Variants in OR14A2 observed in about 807,000 individuals in gnomAD.
OR14A2 encodes the protein olfactory receptor 14A2.
For missense variants in OR14A2, 237 were observed against 152.9 expected, an observed-to-expected ratio of 1.55 and a Z score of -2.90; for synonymous variants, 114 against 58.6, an observed-to-expected ratio of 1.95 and a Z score of -4.32.
chr1:247,735,736 C>T, the OR14A2 span, among the ~76,000 whole-genome samples: 6 of 152,178 alleles, frequency 3.9e-5, no homozygotes, highest in South Asian at 1.0e-3. Context: ...AATACTGATA[C>T]GTAGAGGACA....
chr1:247,739,001 C>A, the OR14A2 span: 5 of 780,706 alleles, frequency 6.4e-6, no homozygotes, highest in East Asian at 9.7e-5. Context: ...GCCCCCTACA[C>A]TGTGAGGCTG....
upstream of OR14A2, among the ~76,000 whole-genome samples, chr1:247,725,759 C>A (rs1001752121): frequency 1.5e-5 from 2 of 132,374 alleles, no homozygotes; most frequent in African/African-American, 5.8e-5. Context: ...TCAGTTCCCA[C>A]CTATGAGTGA....
At chr1:247,744,520 C>T in the OR14A2 span, among the ~76,000 whole-genome samples, 1 of 152,042 alleles carries the variant, frequency 6.6e-6, no homozygotes, top group African/African-American at 2.4e-5. This position sits in a 1 kb window ranked among gnomAD's most constrained non-coding sequence, Gnocchi z 4.3. Context: ...TCTGAGGTTT[C>T]TTAATTTCTT....
In OR14A2 at chr1:247,723,351, A is replaced by C. The variant is rs1660248922; in HGVS notation, c.693T>G (p.Gly231=). ...AGCATGTGGAAAAAGCTTTGGACTG[A>C]CCTTTAGTGGTAGGGATCTTCAGTA... The change falls in exon 1 of 1, where the codon GGT becomes GGG. Residue 231 remains glycine (G), a synonymous_variant. Coordinates refer to ENST00000366485, the Ensembl canonical transcript of OR14A2. The C allele has an allele frequency of 8.4e-6, 6 of 717,534 alleles. No homozygotes were observed. In the East Asian group the frequency reaches 1.6e-4, roughly 19 times the overall value. The allele number at this position is 717,534 out of a possible 1,614,324, so 44.4% of individuals were successfully genotyped here.
the OR14A2 span, among the ~76,000 whole-genome samples, chr1:247,730,967 G>A: frequency 6.6e-6 from 1 of 152,026 alleles, no homozygotes; most frequent in East Asian, 1.9e-4. Flanking sequence ...CAGAAATAAT[G>A]TTTTACCAGC....
chr1:247,739,460 C>T, the OR14A2 span: 1 of 780,824 alleles, frequency 1.3e-6, no homozygotes, highest in Non-Finnish European at 2.4e-6. Context: ...CACCTCCAAC[C>T]TTGAACCCTG....
the OR14A2 span, among the ~76,000 whole-genome samples, chr1:247,734,503 GT>G: frequency 2.0e-5 from 3 of 152,184 alleles, no homozygotes; most frequent in African/African-American, 7.2e-5. Context: ...CTTGGGGGTT[GT>G]GTACTGATAT....
the OR14A2 span, among the ~76,000 whole-genome samples, chr1:247,738,146 G>A: frequency 6.6e-6 from 1 of 152,146 alleles, no homozygotes; most frequent in Non-Finnish European, 1.5e-5. Flanking sequence ...TAGTAAATTA[G>A]AGTATCACCT....
chr1:247,730,275 A>G, the OR14A2 span, among the ~76,000 whole-genome samples: 1 of 151,998 alleles, frequency 6.6e-6, no homozygotes, highest in African/African-American at 2.4e-5. Context: ...ATCGTTACAA[A>G]TCCAGTTGAT....
At chr1:247,746,263 G>A in the OR14A2 span, 1 of 152,180 alleles carries the variant, frequency 6.6e-6, no homozygotes, top group Non-Finnish European at 1.5e-5. Context: ...TATGGACAGA[G>A]TAAAAGAGTT....
the OR14A2 span, chr1:247,738,976 A>C: frequency 1.3e-6 from 1 of 780,542 alleles, no homozygotes; most frequent in Non-Finnish European, 2.4e-6. Context: ...TATGACCGCT[A>C]TGCTGCCATC....
the OR14A2 span, among the ~76,000 whole-genome samples, chr1:247,734,110 T>G: frequency 1.3e-5 from 2 of 152,322 alleles, no homozygotes; most frequent in East Asian, 1.9e-4. Flanking sequence ...AATCTGACTG[T>G]ATTTGGAGAA....
At chr1:247,748,146 C>T in the OR14A2 span, among the ~76,000 whole-genome samples, 1 of 152,102 alleles carries the variant, frequency 6.6e-6, no homozygotes, top group African/African-American at 2.4e-5. Context: ...CTAATTACAT[C>T]ATGTTAGGAG....
chr1:247,739,603 CT>C, the OR14A2 span: 5 of 716,786 alleles, frequency 7.0e-6, no homozygotes, highest in Non-Finnish European at 1.0e-5. Context: ...TGTTGTTGTT[CT>C]GCCATCCACT....
chr1:247,746,366 A>G, the OR14A2 span: 1 of 152,206 alleles, frequency 6.6e-6, no homozygotes, highest in Non-Finnish European at 1.5e-5. Context: ...TATCCACTGG[A>G]CTTTGATGGG....
the OR14A2 span, chr1:247,739,151 C>T: frequency 1.3e-6 from 1 of 780,870 alleles, no homozygotes. Flanking sequence ...TCTGCGATGT[C>T]CCTGCCCTAC....
the OR14A2 span, among the ~76,000 whole-genome samples, chr1:247,742,910 T>C: frequency 6.6e-6 from 1 of 152,194 alleles, no homozygotes; most frequent in African/African-American, 2.4e-5. Context: ...TAAATGTATC[T>C]AGAACTATGC....
the OR14A2 span, among the ~76,000 whole-genome samples, chr1:247,747,523 G>A: frequency 3.9e-5 from 6 of 152,018 alleles, no homozygotes; most frequent in East Asian, 1.9e-4. Context: ...CACCACGCCC[G>A]GCTAATTTTT....
At chr1:247,734,870 C>T in the OR14A2 span, among the ~76,000 whole-genome samples, 1 of 152,192 alleles carries the variant, frequency 6.6e-6, no homozygotes, top group South Asian at 2.1e-4. Flanking sequence ...GCTGTCCCCA[C>T]CAGGATATCT....
Sources: allele counts gnomAD v4.1 joint callset (sites outside exome capture counted in the v4.1 genomes callset), GRCh38; gene constraint gnomAD v4.1.1; non-coding constraint Gnocchi (gnomAD v3.1); transcripts MANE v1.5; gene names NCBI Gene and HGNC (gene_info 2026-07-23, HGNC 2026-07-21).